F9: variants seen among roughly 807,000 people sequenced by gnomAD.
The protein encoded by F9 is Christmas factor.
Under a neutral mutation model 34.1 loss-of-function variants are expected in F9, and 2 were observed. The observed-to-expected ratio is 0.06, with a 90% CI of 0.02 to 0.18. The LOEUF (loss-of-function observed/expected upper bound fraction) is 0.18, where lower values mean the gene tolerates loss of function less well. F9 is among the 10% of genes least tolerant of loss of function. F9 has a pLI of 1.00. For synonymous variants in F9, 137 were observed against 118.8 expected, an observed-to-expected ratio of 1.15 and a Z score of -1.00; for missense variants, 216 against 345.1, an observed-to-expected ratio of 0.63 and a Z score of 2.96.
intron 7 of F9, 125 bp from the exon 8 acceptor site, chrX:139,561,399 T>G (rs764027511): frequency 3.1e-6 from 2 of 637,493 alleles, no homozygotes; most frequent in Non-Finnish European, 4.8e-6. Flanking sequence ...TTAACCAAAA[T>G]TATCACAATA....
At chrX:139,558,105 G>A (rs1439729121) in intron 6 of F9, among the ~76,000 whole-genome samples, 2 of 113,209 alleles carry the variant, frequency 1.8e-5, no homozygotes, top group Admixed American at 1.9e-4. Context: ...TCCCCCAGCG[G>A]GGACATGGGC....
intron 6 of F9, among the ~76,000 whole-genome samples, chrX:139,556,237 G>T (rs1342002864): frequency 1.8e-5 from 2 of 111,997 alleles, no homozygotes; most frequent in African/African-American, 6.5e-5. Flanking sequence ...TTAAGTTGTA[G>T]CATATGCATT....
chrX:139,541,044 G>A (rs370571441), intron 3 of F9, 32 bp from the exon 4 acceptor site: 11 of 1,067,868 alleles, frequency 1.0e-5, no homozygotes, highest in Middle Eastern at 2.5e-4. Flanking sequence ...AGCAGTTTAC[G>A]TGCCAATTCA....
At chrX:139,556,496 A>G (rs905814072) in intron 6 of F9, among the ~76,000 whole-genome samples, 1 of 111,882 alleles carries the variant, frequency 8.9e-6, no homozygotes, top group Admixed American at 9.5e-5. Flanking sequence ...GATAACATGC[A>G]AAGTTATTAT....
intron 5 of F9, among the ~76,000 whole-genome samples, 170 bp from the exon 6 acceptor site, chrX:139,550,892 G>A (rs962790137): frequency 3.6e-5 from 4 of 111,836 alleles, no homozygotes; most frequent in Non-Finnish European, 5.6e-5. Flanking sequence ...TGAAAATAAC[G>A]CAATCAACCT....
chrX:139,552,646 C>CA (rs1464114315), intron 6 of F9, among the ~76,000 whole-genome samples: 1 of 112,614 alleles, frequency 8.9e-6, no homozygotes, highest in Non-Finnish European at 1.9e-5. Context: ...ATAACAACCA[C>CA]ATGTGGCTAG....
At chrX:139,550,975 G>C in intron 5 of F9, 87 bp from the exon 6 acceptor site, 1 of 808,730 alleles carries the variant, frequency 1.2e-6, no homozygotes, top group African/African-American at 2.0e-5. Context: ...AAGTGACAAG[G>C]ATGGGCCTCA....
In F9 at chrX:139,561,691, A is replaced by G; in HGVS notation, c.1006A>G (p.Ile336Val). Residue 336 changes from isoleucine to valine, a missense_variant, in exon 8 of 8, where the codon ATT (isoleucine) becomes GTT (valine). By Grantham distance (29) the Ile-to-Val change is conservative (BLOSUM62 3). Transcript: ENST00000218099. ...AAACAGCTACGTTACACCTATTTGC[A>G]TTGCTGACAAGGAATACACGAACAT... ...VLNSYVTPIC[I>V]ADKEYTNIFL... 1 of 1,211,881 alleles carries G rather than the reference A, an allele frequency of 8.3e-7. No homozygotes were observed.
At chrX:139,554,435 C>T (rs767435619) in intron 6 of F9, among the ~76,000 whole-genome samples, 1 of 112,751 alleles carries the variant, frequency 8.9e-6, no homozygotes, top group African/African-American at 3.2e-5. Context: ...CATACTTCTG[C>T]ATTGTTTCCT....
At chrX:139,558,470 G>A (rs781257481) in intron 6 of F9, among the ~76,000 whole-genome samples, 1 of 113,223 alleles carries the variant, frequency 8.8e-6, no homozygotes, top group Admixed American at 9.2e-5. Context: ...CACCTTTGAG[G>A]GTCTGCACTG....
At chrX:139,559,953 A>G (rs1395674095) in intron 6 of F9, among the ~76,000 whole-genome samples, 2 of 112,439 alleles carry the variant, frequency 1.8e-5, no homozygotes, top group Non-Finnish European at 3.8e-5. Flanking sequence ...TGGAGAAAAT[A>G]TTCATTGTCG....
Position 139,550,106 on chromosome X carries a change from C to T in F9, c.521-956C>T, listed in dbSNP as rs764707284. 1.1e-3 allele frequency among the ~76,000 whole-genome samples: 125 copies of T among 112,045 alleles called. 1 individual carries two copies. The highest frequency in any genetic ancestry group is 3.9e-3 in the African/African-American group (121 of 30,959). ...AAACAGAATTGAGAACCACCTCCAA[C>T]TATTAAGTGTTATATTTGAATATAG... On this transcript the variant is annotated intron_variant, in intron 5 of 7. Coordinates refer to ENST00000218099, the MANE Select transcript of F9 (RefSeq NM_000133.4).
chrX:139,548,602 T>C, intron 5 of F9, 111 bp downstream of exon 5: 1 of 829,984 alleles, frequency 1.2e-6, no homozygotes, highest in Non-Finnish European at 1.7e-6. Context: ...TTTGAAATCA[T>C]AGAAAATATC....
intron 5 of F9, among the ~76,000 whole-genome samples, chrX:139,549,273 T>C (rs1202598254): frequency 8.9e-6 from 1 of 111,796 alleles, no homozygotes; most frequent in Admixed American, 9.5e-5. Flanking sequence ...ATCTTATTAA[T>C]TGGTACATTA....
chrX:139,539,756 T>C lies in F9; in HGVS notation c.278-1320T>C, dbSNP rs4149690. On this transcript the variant is annotated intron_variant, in intron 3 of 7. Coordinates refer to ENST00000218099, the MANE Select transcript of F9 (RefSeq NM_000133.4). ...GATAACCGATTTTGTTTTCATAGAA[T>C]TGGAACAAATTAGAGTATCTGTGCA... 4.5e-3 allele frequency among the ~76,000 whole-genome samples: 505 copies of C among 112,231 alleles called. 3 individuals carry two copies. Among genetic ancestry groups the C allele is most frequent in the African/African-American group, 0.015 (459 of 30,944 alleles).
chrX:139,538,195 G>C (rs1324958233), intron 3 of F9, among the ~76,000 whole-genome samples: 1 of 111,483 alleles, frequency 9.0e-6, no homozygotes, highest in Non-Finnish European at 1.9e-5. Context: ...ATGTTGGCAG[G>C]GATATTCAAT....
In F9 at chrX:139,538,008, C is replaced by T. The variant is rs748597422; in HGVS notation, c.277+622C>T. 1.1e-4 allele frequency among the ~76,000 whole-genome samples: 12 copies of T among 111,600 alleles called. No homozygotes were observed. In the South Asian group the frequency reaches 4.5e-3, roughly 42 times the overall value. On this transcript the variant is annotated intron_variant, in intron 3 of 7. Coordinates refer to ENST00000218099, the MANE Select transcript of F9 (RefSeq NM_000133.4). Reference sequence around the variant, plus strand: ...CCAAATGTTACCATCTTAATGAGGCCTACCTTCACCATCTATTAATACTTC... The same window carrying T: ...CCAAATGTTACCATCTTAATGAGGCTTACCTTCACCATCTATTAATACTTC...
At chrX:139,556,897 CTT>C (rs1187510541) in intron 6 of F9, among the ~76,000 whole-genome samples, 1 of 112,166 alleles carries the variant, frequency 8.9e-6, no homozygotes, top group African/African-American at 3.2e-5. Flanking sequence ...AGCAAACACT[CTT>C]TATTGTACAA....
At chrX:139,546,869 T>C (rs1418614440) in intron 4 of F9, among the ~76,000 whole-genome samples, 3 of 111,828 alleles carry the variant, frequency 2.7e-5, no homozygotes. Context: ...ATATAGTAAA[T>C]ATATCAAATG....
Sources: gnomAD v4.1 joint callset for allele counts (sites outside exome capture counted in the v4.1 genomes callset) on GRCh38, gnomAD v4.1.1 for gene constraint, MANE v1.5 for transcripts, NCBI Gene and HGNC (gene_info 2026-07-23, HGNC 2026-07-21) for gene names.